The following GREB1 variants were observed in gnomAD, a reference collection of about 807,000 sequenced individuals.
The protein encoded by GREB1 is protein GREB1.
Under a neutral mutation model 200.7 loss-of-function variants are expected in GREB1, and 106 were observed. The ratio of observed to expected loss-of-function variants is 0.53; its 90% CI spans 0.45 to 0.62. The LOEUF (loss-of-function observed/expected upper bound fraction) is 0.62, where lower values mean the gene tolerates loss of function less well. GREB1 is among the 20% of genes least tolerant of loss of function. The pLI is 0.00. For synonymous variants in GREB1, 1,132 were observed against 1,092.4 expected (o/e 1.04, Z -0.72); for missense variants, 2,243 against 2,556.8 (o/e 0.88, Z 2.65).
In GREB1 at chr2:11,612,563, C is replaced by A. The variant is rs758664727; in HGVS notation, c.3075C>A (p.Cys1025Ter). 5.0e-6 allele frequency: 8 copies of A among 1,612,874 alleles called. No individual in the cohort carries two copies. Reference sequence around the variant, plus strand: ...ACTTGGAGCTGGAGGGTCTGCCTTGCATCCTGATCTTCAGTGGGATGGACC... The same window carrying A: ...ACTTGGAGCTGGAGGGTCTGCCTTGAATCCTGATCTTCAGTGGGATGGACC... Reference protein sequence around the residue: ...QTYLELEGLPCILIFSGMDPH... With the variant: ...QTYLELEGLP Residue 1025 changes from cysteine to a stop codon, truncating the protein, a stop_gained, in exon 19 of 33, where the codon TGC becomes TGA. Transcript: ENST00000381486. LOFTEE classifies it high-confidence loss of function.
At chr2:11,583,010 C>A (rs1679673134) in intron 7 of GREB1, among the ~76,000 whole-genome samples, 1 of 152,110 alleles carries the variant, frequency 6.6e-6, no homozygotes, top group East Asian at 1.9e-4. Flanking sequence ...ATGTCCCGCA[C>A]CAAACAGGCT....
intron 1 of GREB1, among the ~76,000 whole-genome samples, chr2:11,509,313 C>A (rs1245010618): frequency 1.3e-5 from 2 of 152,016 alleles, no homozygotes; most frequent in Non-Finnish European, 2.9e-5. Flanking sequence ...TATGAGCCCC[C>A]ATATATATAT....
rs143808333 is a variant in GREB1, at chr2:11,548,965, T to A, written c.-161-7489T>A. 0.012 allele frequency among the ~76,000 whole-genome samples: 1,787 copies of A among 152,346 alleles called. 18 individuals are homozygous for A. Among genetic ancestry groups the A allele is most frequent in the Middle Eastern group, 0.034 (10 of 294 alleles). On this transcript the variant is annotated intron_variant, in intron 1 of 32. Transcript: ENST00000381486. The surrounding 1 kb of genome is among the most constrained non-coding windows in gnomAD (Gnocchi z 5.1). ...TTATTTCCAATGTCCACTATTGCTGTTGAGAAATCCAAAGTCATCCTGATT... is the reference window on the plus strand; with the variant it reads ...TTATTTCCAATGTCCACTATTGCTGATGAGAAATCCAAAGTCATCCTGATT...
At chr2:11,499,309 A>C (rs905398609) in intron 1 of GREB1, among the ~76,000 whole-genome samples, 2 of 152,248 alleles carry the variant, frequency 1.3e-5, no homozygotes, top group Non-Finnish European at 2.9e-5. Context: ...AGCAACAGCA[A>C]GGGGTGGGCA....
intron 1 of GREB1, among the ~76,000 whole-genome samples, chr2:11,535,766 G>T (rs1438902542): frequency 6.6e-6 from 1 of 152,102 alleles, no homozygotes; most frequent in African/African-American, 2.4e-5. Flanking sequence ...ATAGAAAAAG[G>T]TTGCATTAGC....
intron 11 of GREB1, among the ~76,000 whole-genome samples, chr2:11,594,113 G>C (rs1680994515): frequency 6.6e-6 from 1 of 152,030 alleles, no homozygotes; most frequent in Non-Finnish European, 1.5e-5. Flanking sequence ...AAGTGATTCT[G>C]TTGCCTCAGC....
At chr2:11,621,296 C>A (rs12990183) in intron 23 of GREB1, among the ~76,000 whole-genome samples, 23 of 151,988 alleles carry the variant, frequency 1.5e-4, no homozygotes, top group African/African-American at 5.1e-4. Flanking sequence ...TTTCTTAGGC[C>A]CAGGGTGAGA....
intron 17 of GREB1, among the ~76,000 whole-genome samples, chr2:11,605,247 A>G (rs1418167648): frequency 7.4e-6 from 1 of 135,904 alleles, no homozygotes; most frequent in East Asian, 2.3e-4. Flanking sequence ...TTTTTTTGAG[A>G]CAGAGTCTCA....
In GREB1 at chr2:11,632,133, A is replaced by T. The variant is rs1684924333; in HGVS notation, c.4816+20A>T. 6.4e-7 allele frequency: 1 copy of T among 1,560,560 alleles called. No individual in the cohort carries two copies. The highest frequency in any genetic ancestry group is 1.1e-5 in the South Asian group (1 of 89,890). ...GAGTTGGTGAGTGTCCTTTAACATC[A>T]TCTACTCAGTCAAACTCCTGTGAAC... is the stretch of plus-strand genomic sequence containing the variant. On this transcript the variant is annotated intron_variant, in intron 27 of 32. Coordinates refer to ENST00000381486, the MANE Select transcript of GREB1 (RefSeq NM_014668.4).
At chr2:11,523,222 C>T (rs1242680595) in intron 1 of GREB1, among the ~76,000 whole-genome samples, 1 of 152,004 alleles carries the variant, frequency 6.6e-6, no homozygotes, top group East Asian at 1.9e-4. Flanking sequence ...ATACTGGGGC[C>T]TACTTGAGAA....
rs1223744132 is a variant in GREB1, at chr2:11,596,239, A to T, written c.1954A>T (p.Ser652Cys). 6.2e-7 allele frequency: 1 copy of T among 1,611,678 alleles called. No homozygotes were observed. Among genetic ancestry groups the T allele is most frequent in the South Asian group, 1.1e-5 (1 of 90,948 alleles). The change falls in exon 13 of 33, where the codon AGT becomes TGT. Residue 652 changes from serine (S) to cysteine (C), a missense_variant and splice_region_variant. Physicochemically the swap from Ser to Cys is moderately radical, Grantham distance 112. Transcript: ENST00000381486. ...LDVSGTPVCT[S>C]YNLEPHSIRP... Reference sequence around the variant, plus strand: ...TGTCAGTGGGACACCGGTGTGCACAAGTGAGTGGTGAAAAGGAATCTCCCA... The same window carrying T: ...TGTCAGTGGGACACCGGTGTGCACATGTGAGTGGTGAAAAGGAATCTCCCA...
At chr2:11,562,810 G>C in intron 3 of GREB1, 1 of 414,298 alleles carries the variant, frequency 2.4e-6, no homozygotes, top group Non-Finnish European at 4.3e-6. Context: ...GCTAAGGCAG[G>C]CCTCTGTGCC....
At chr2:11,546,793 C>A (rs1400408259) in intron 1 of GREB1, among the ~76,000 whole-genome samples, 1 of 152,100 alleles carries the variant, frequency 6.6e-6, no homozygotes, top group South Asian at 2.1e-4. Flanking sequence ...CTAGTGCTGT[C>A]CTTTAGAACT....
intron 1 of GREB1, among the ~76,000 whole-genome samples, chr2:11,500,163 T>C (rs1452756499): frequency 2.6e-5 from 4 of 151,806 alleles, no homozygotes; most frequent in African/African-American, 9.7e-5. Context: ...TTAAAACTTT[T>C]ATTTATTTAT....
At position 11,611,044 on chromosome 2, in the gene GREB1, GGGAGGGGC is replaced by G; in HGVS notation, c.3006+24_3006+31del. The G allele has an allele frequency of 6.5e-7, 1 of 1,538,296 alleles. No individual in the cohort carries two copies. The highest frequency in any genetic ancestry group is 8.8e-7 in the Non-Finnish European group (1 of 1,138,448). On this transcript the variant is annotated intron_variant, in intron 18 of 32. Transcript: ENST00000381486. ...CAGCTCAGGGTAGGTGCTGTGCGCA[GGGAGGGGC>G]GGAGGGCCTGGGGGTACCTGGGAGA...
At chr2:11,526,121 G>A (rs988544377) in intron 1 of GREB1, among the ~76,000 whole-genome samples, 48 of 152,162 alleles carry the variant, frequency 3.2e-4, no homozygotes, top group Non-Finnish European at 2.6e-4. Context: ...TTGAGTTCAC[G>A]CAGGTTAATT....
intron 16 of GREB1, among the ~76,000 whole-genome samples, chr2:11,601,517 A>G (rs1208685909): frequency 6.6e-6 from 1 of 152,232 alleles, no homozygotes; most frequent in Non-Finnish European, 1.5e-5. Flanking sequence ...AGACTAAAAC[A>G]ATCCTGGTAA....
At position 11,556,486 on chromosome 2, in the gene GREB1, G is replaced by T. The variant is rs559287452; in HGVS notation, c.-129G>T. 3.0e-6 allele frequency: 2 copies of T among 677,580 alleles called. No homozygotes were observed. Among genetic ancestry groups the T allele is most frequent in the Admixed American group, 5.6e-5 (2 of 35,980 alleles). 42.0% of individuals were successfully genotyped at this position (677,580 alleles called of 1,614,324 possible). On this transcript the variant is annotated 5_prime_UTR_variant, in exon 2 of 33. Coordinates refer to ENST00000381486, the MANE Select transcript of GREB1 (RefSeq NM_014668.4). ...AGCTGAGGACAGCCACCCTTTCTTCGTCTCTGCTGAGCGAAGGCTACACGG... is the reference window on the plus strand; with the variant it reads ...AGCTGAGGACAGCCACCCTTTCTTCTTCTCTGCTGAGCGAAGGCTACACGG...
intron 1 of GREB1, among the ~76,000 whole-genome samples, chr2:11,554,542 C>T (rs1447516380): frequency 1.3e-5 from 2 of 152,162 alleles, no homozygotes; most frequent in Non-Finnish European, 2.9e-5. Flanking sequence ...TGGGAGATCT[C>T]GCTTGACCGA....
Sources: allele counts gnomAD v4.1 joint callset (sites outside exome capture counted in the v4.1 genomes callset), GRCh38; gene constraint gnomAD v4.1.1; non-coding constraint Gnocchi (gnomAD v3.1); transcripts MANE v1.5; gene names NCBI Gene and HGNC (gene_info 2026-07-23, HGNC 2026-07-21).